The following SRGAP1 variants were observed in gnomAD, a reference collection of about 807,000 sequenced individuals.
SRGAP1 encodes SLIT-ROBO Rho GTPase activating protein 1.
Under a neutral mutation model 121.9 loss-of-function variants are expected in SRGAP1, and 43 were observed. The ratio of observed to expected loss-of-function variants is 0.35; its 90% CI spans 0.28 to 0.46. The LOEUF is 0.46. Among genes scored for constraint, SRGAP1 ranks in the 20% least tolerant of loss-of-function variants. The pLI, the probability that SRGAP1 is intolerant of heterozygous loss-of-function variation, is 1.00. For missense variants in SRGAP1, 1,102 were observed against 1,350.9 expected, an observed-to-expected ratio of 0.82 and a Z score of 2.89; for synonymous variants, 447 against 485.4, an observed-to-expected ratio of 0.92 and a Z score of 1.04.
At chr12:64,038,834 G>A (rs1321140724) in intron 4 of SRGAP1, 1 of 152,190 alleles carries the variant, frequency 6.6e-6, no homozygotes, top group East Asian at 1.9e-4. Context: ...ATTCAAACAG[G>A]AAAATATGCT....
At chr12:64,009,522 T>C (rs928643172) in intron 3 of SRGAP1, among the ~76,000 whole-genome samples, 2 of 152,172 alleles carry the variant, frequency 1.3e-5, no homozygotes, top group Non-Finnish European at 2.9e-5. Flanking sequence ...TTGATGACTA[T>C]GCACCTTTCA....
chr12:64,034,810 C>G (rs775258830), intron 4 of SRGAP1, among the ~76,000 whole-genome samples: 1 of 152,194 alleles, frequency 6.6e-6, no homozygotes, highest in Admixed American at 6.6e-5. Flanking sequence ...CAGTCTGTCT[C>G]ATGAGTCGGA....
intron 21 of SRGAP1, among the ~76,000 whole-genome samples, chr12:64,129,550 G>A (rs909713275): frequency 1.3e-5 from 2 of 152,120 alleles, no homozygotes; most frequent in African/African-American, 4.8e-5. Flanking sequence ...TTGACACTCA[G>A]TATTAACCAT....
At chr12:64,094,044 G>A (rs923588980) in intron 12 of SRGAP1, among the ~76,000 whole-genome samples, 3 of 151,976 alleles carry the variant, frequency 2.0e-5, no homozygotes, top group South Asian at 2.1e-4. Context: ...AACCATTTTC[G>A]AGCCCTGTGG....
At chr12:64,070,724 C>T in intron 8 of SRGAP1, among the ~76,000 whole-genome samples, 1 of 152,242 alleles carries the variant, frequency 6.6e-6, no homozygotes, top group South Asian at 2.1e-4. Context: ...CAATAATGAG[C>T]AAGATTTTAG....
At chr12:63,908,462 T>C (rs2030325961) in intron 1 of SRGAP1, among the ~76,000 whole-genome samples, 1 of 152,240 alleles carries the variant, frequency 6.6e-6, no homozygotes, top group African/African-American at 2.4e-5. Context: ...AGATCTTGGC[T>C]CACTGCAACC....
Position 64,152,245 on chromosome 12 carries a change from G to A in SRGAP1, c.*9573G>A, listed in dbSNP as rs789752. The stretch of plus-strand genomic sequence containing the variant: ...ACAGTTATTATCATCATCTTTATCC[G>A]TAAGAAAATTAAGCCGCAGGAGTTA... On this transcript the variant is annotated 3_prime_UTR_variant, in exon 22 of 22. Transcript: ENST00000355086. 75,018 of 151,884 alleles carry A rather than the reference G, an allele frequency of 0.49. 18,716 individuals are homozygous for A. Among genetic ancestry groups the A allele is most frequent in the South Asian group, 0.59 (2,826 of 4,816 alleles). 9.4% of individuals were successfully genotyped at this position (151,884 alleles called of 1,614,324 possible).
chr12:64,130,517 T>C (rs1217987222), intron 21 of SRGAP1, among the ~76,000 whole-genome samples: 1 of 152,162 alleles, frequency 6.6e-6, no homozygotes, highest in Non-Finnish European at 1.5e-5. Flanking sequence ...GCACCATGTA[T>C]TGGACACAGA....
Position 64,094,897 on chromosome 12 carries a change from C to A in SRGAP1, c.1540-35C>A, listed in dbSNP as rs755311510. On this transcript the variant is annotated intron_variant, in intron 12 of 21. Transcript: ENST00000355086. Reference sequence around the variant, plus strand: ...TTATTATGAGGCATTTATACCTCTCCCTTGAGGTTAACTGGTTTCCATCCC... The same window carrying A: ...TTATTATGAGGCATTTATACCTCTCACTTGAGGTTAACTGGTTTCCATCCC... 3 of 1,595,238 alleles carry A rather than the reference C, an allele frequency of 1.9e-6. No homozygotes were observed. The African/African-American group carries it at 4.0e-5, about 21-fold the overall frequency.
intron 3 of SRGAP1, among the ~76,000 whole-genome samples, chr12:64,010,222 T>C (rs2136453545): frequency 6.6e-6 from 1 of 152,312 alleles, no homozygotes; most frequent in South Asian, 2.1e-4. Flanking sequence ...AGTCTGGGTT[T>C]CTTGACTGGT....
At chr12:64,006,655 G>A (rs1048781893) in intron 3 of SRGAP1, among the ~76,000 whole-genome samples, 1 of 152,174 alleles carries the variant, frequency 6.6e-6, no homozygotes, top group Non-Finnish European at 1.5e-5. Flanking sequence ...TGTTGCATTA[G>A]TAATCTGGGT....
At chr12:64,141,151 T>C in intron 21 of SRGAP1, among the ~76,000 whole-genome samples, 1 of 146,338 alleles carries the variant, frequency 6.8e-6, no homozygotes. Context: ...AGGGATAGCA[T>C]CGGGAGATAT....
intron 1 of SRGAP1, among the ~76,000 whole-genome samples, chr12:63,907,558 A>G (rs1369858561): frequency 6.6e-6 from 1 of 152,094 alleles, no homozygotes; most frequent in African/African-American, 2.4e-5. Flanking sequence ...AATTAAAGTA[A>G]AATAAAAAAT....
At chr12:64,087,710 T>C (rs1380629444) in intron 11 of SRGAP1, among the ~76,000 whole-genome samples, 2 of 152,134 alleles carry the variant, frequency 1.3e-5, no homozygotes, top group South Asian at 4.1e-4. Context: ...CACTCCAGCC[T>C]GGGCAAGAGC....
chr12:64,087,944 C>T (rs1199481838), intron 11 of SRGAP1, among the ~76,000 whole-genome samples: 1 of 152,196 alleles, frequency 6.6e-6, no homozygotes, highest in Non-Finnish European at 1.5e-5. Flanking sequence ...GATTTGGGTT[C>T]GGGAAAGTTT....
Position 63,906,610 on chromosome 12 carries a change from G to A in SRGAP1, c.67+61727G>A, listed in dbSNP as rs1364625409. On this transcript the variant is annotated intron_variant, in intron 1 of 21. Coordinates refer to ENST00000355086, the MANE Select transcript of SRGAP1 (RefSeq NM_020762.4). ...TTACAGGTGTGAGCCACCACGCCTG[G>A]CTGATTTTACATTTTACTTATCCAT... Among the ~76,000 whole-genome samples, 5 of 152,102 alleles carry A rather than the reference G, an allele frequency of 3.3e-5. No individual in the cohort carries two copies. The South Asian group carries it at 6.2e-4, about 19-fold the overall frequency.
rs1358885971 is a variant in SRGAP1, at chr12:64,094,998, C to G, written c.1600+6C>G. On this transcript the variant is annotated splice_donor_region_variant and intron_variant, in intron 13 of 21. Transcript: ENST00000355086. Reference sequence around the variant, plus strand: ...TCGGTTCATCAATCTCTATGGTAAGCCATAAACTACAGAATTCTTATTTTT... The same window carrying G: ...TCGGTTCATCAATCTCTATGGTAAGGCATAAACTACAGAATTCTTATTTTT... 1 of 1,613,648 alleles carries G rather than the reference C, an allele frequency of 6.2e-7. No individual in the cohort carries two copies. Among genetic ancestry groups the G allele is most frequent in the Non-Finnish European group, 8.5e-7 (1 of 1,179,730 alleles).
chr12:64,016,978 A>G lies in SRGAP1; in HGVS notation c.455A>G (p.Glu152Gly). 1 of 1,554,014 alleles carries G rather than the reference A, an allele frequency of 6.4e-7. No homozygotes were observed. The stretch of plus-strand genomic sequence containing the variant: ...AAAGAGATTGCATTCCAACTTCATG[A>G]GGATTTAATGAAGGTTCTTAATGAG... ...KSKEIAFQLHEDLMKVLNELY... is the reference protein window; with the variant it reads ...KSKEIAFQLHGDLMKVLNELY... The change falls in exon 4 of 22, where the codon GAG (glutamate) becomes GGG (glycine). Residue 152 changes from glutamate to glycine, a missense_variant. This residue lies in a region of SRGAP1 where 747 missense variants were observed against 929.4 expected (regional missense o/e 0.80). Coordinates refer to ENST00000355086, the MANE Select transcript of SRGAP1 (RefSeq NM_020762.4).
intron 1 of SRGAP1, among the ~76,000 whole-genome samples, chr12:63,892,464 TTTCTC>T (rs1317154436): frequency 6.6e-6 from 1 of 152,228 alleles, no homozygotes; most frequent in African/African-American, 2.4e-5. Flanking sequence ...ATCTCTCACT[TTTCTC>T]TTTATCTTTT....
Sources: gnomAD v4.1 joint callset for allele counts (sites outside exome capture counted in the v4.1 genomes callset) on GRCh38, gnomAD v4.1.1 for gene constraint, gnomAD v4.1.1 regional missense constraint, MANE v1.5 for transcripts, NCBI Gene and HGNC (gene_info 2026-07-23, HGNC 2026-07-21) for gene names.